ATG10: variants seen among roughly 807,000 people sequenced by gnomAD.
ATG10 encodes the protein ubiquitin-like-conjugating enzyme ATG10.
In ATG10, 30 loss-of-function variants were observed where a neutral mutation model predicts 32.1. That is an observed-to-expected ratio of 0.94 (90% CI 0.70 to 1.27). The LOEUF is 1.27. Ranked by LOEUF, ATG10 falls within the 50% of genes most tolerant of loss-of-function variation. The pLI, the probability that ATG10 is intolerant of heterozygous loss-of-function variation, is 0.00. For synonymous variants in ATG10, 87 were observed against 91.5 expected (o/e 0.95, Z 0.28); for missense variants, 233 against 262.3 (o/e 0.89, Z 0.77).
chr5:82,058,371 A>C lies in ATG10; in HGVS notation c.109-124A>C, dbSNP rs1266084811. On this transcript the variant is annotated intron_variant, in intron 2 of 7. Coordinates refer to ENST00000282185, the MANE Select transcript of ATG10 (RefSeq NM_031482.5). ...GTTGGACTAGTCTCTTTATCCATAT[A>C]GTCTCATTTAGTACATTTAGTTTTT... 17 of 664,720 alleles carry C rather than the reference A, an allele frequency of 2.6e-5. No individual in the cohort carries two copies. In the East Asian group the frequency reaches 4.4e-4, roughly 17 times the overall value. 41.2% of individuals were successfully genotyped at this position (664,720 alleles called of 1,614,324 possible).
chr5:82,250,553 C>T (rs1176509334), intron 5 of ATG10, among the ~76,000 whole-genome samples: 1 of 152,104 alleles, frequency 6.6e-6, no homozygotes, highest in African/African-American at 2.4e-5. Context: ...AAGAGGGATA[C>T]ACACATTCAG....
chr5:82,077,893 T>C (rs187180557), intron 3 of ATG10, among the ~76,000 whole-genome samples: 2 of 152,344 alleles, frequency 1.3e-5, no homozygotes, highest in East Asian at 1.9e-4. Flanking sequence ...CAGGTTCTTA[T>C]AGGTTCTGAT....
chr5:82,036,190 A>C (rs967010265), intron 2 of ATG10, among the ~76,000 whole-genome samples: 1 of 152,156 alleles, frequency 6.6e-6, no homozygotes, highest in Non-Finnish European at 1.5e-5. Flanking sequence ...TCTGACCCCA[A>C]ATCCCCAATT....
At chr5:82,166,778 C>T (rs996469785) in intron 4 of ATG10, among the ~76,000 whole-genome samples, 3 of 152,042 alleles carry the variant, frequency 2.0e-5, no homozygotes, top group South Asian at 2.1e-4. Flanking sequence ...AAGAGAGTTC[C>T]GACCTAGAAA....
chr5:82,051,509 A>T (rs1022768903), intron 2 of ATG10, among the ~76,000 whole-genome samples: 5 of 152,130 alleles, frequency 3.3e-5, no homozygotes, highest in African/African-American at 1.2e-4. Context: ...ATTTTCTTTC[A>T]TTCTTGAGTT....
At chr5:82,131,573 T>A (rs1273081426) in intron 3 of ATG10, among the ~76,000 whole-genome samples, 1 of 151,946 alleles carries the variant, frequency 6.6e-6, no homozygotes, top group Admixed American at 6.6e-5. Flanking sequence ...TACTTTGGAA[T>A]ATTATACAAG....
chr5:82,015,324 G>A (rs1451452430), intron 2 of ATG10, among the ~76,000 whole-genome samples: 1 of 152,158 alleles, frequency 6.6e-6, no homozygotes, highest in African/African-American at 2.4e-5. Flanking sequence ...CTCTTCTCGA[G>A]GAGTATCTTT....
intron 2 of ATG10, among the ~76,000 whole-genome samples, chr5:82,015,656 A>G (rs990378554): frequency 6.6e-6 from 1 of 152,160 alleles, no homozygotes; most frequent in Non-Finnish European, 1.5e-5. Flanking sequence ...TATAGTTCTC[A>G]TGCCATGGTT....
intron 2 of ATG10, among the ~76,000 whole-genome samples, chr5:82,055,946 G>A (rs547683710): frequency 1.1e-4 from 17 of 152,230 alleles, no homozygotes; most frequent in African/African-American, 4.1e-4. Context: ...TTGCAGCCTA[G>A]GAGCAAGCAA....
intron 5 of ATG10, 52 bp downstream of exon 5, chr5:82,178,639 C>G: frequency 8.2e-7 from 1 of 1,219,380 alleles, no homozygotes; most frequent in Non-Finnish European, 1.2e-6. Flanking sequence ...TTCTTTCCCG[C>G]TGCTCATCTT....
chr5:82,203,295 T>C (rs1581799018), intron 5 of ATG10, among the ~76,000 whole-genome samples: 1 of 151,994 alleles, frequency 6.6e-6, no homozygotes, highest in Non-Finnish European at 1.5e-5. Flanking sequence ...GTGGGGTTTC[T>C]TCCAGTGTTT....
At chr5:82,083,891 C>T (rs1313048280) in intron 3 of ATG10, among the ~76,000 whole-genome samples, 2 of 152,196 alleles carry the variant, frequency 1.3e-5, no homozygotes, top group African/African-American at 4.8e-5. Flanking sequence ...AGCAGAAAAG[C>T]TGAAAATTCT....
chr5:82,077,495 G>A (rs1162853908), intron 3 of ATG10, among the ~76,000 whole-genome samples: 1 of 152,032 alleles, frequency 6.6e-6, no homozygotes, highest in Non-Finnish European at 1.5e-5. Flanking sequence ...GTTTAACTCA[G>A]TATCCATTAC....
At chr5:81,985,526 T>C (rs1761236327) in intron 1 of ATG10, among the ~76,000 whole-genome samples, 1 of 150,188 alleles carries the variant, frequency 6.7e-6, no homozygotes. Context: ...TCAAACTCAA[T>C]ATGGCCAAAT....
chr5:82,253,473 C>A, intron 7 of ATG10, 44 bp downstream of exon 7: 2 of 1,290,750 alleles, frequency 1.5e-6, no homozygotes, highest in South Asian at 1.2e-5. Flanking sequence ...TTACAAAGAT[C>A]AATGTCTCCA....
chr5:82,109,240 G>A (rs1267203352), intron 3 of ATG10, among the ~76,000 whole-genome samples: 2 of 152,024 alleles, frequency 1.3e-5, no homozygotes, highest in African/African-American at 4.8e-5. Flanking sequence ...TTTGCCCAGA[G>A]TATAAAAGAG....
intron 2 of ATG10, among the ~76,000 whole-genome samples, chr5:81,995,220 T>C (rs1184653364): frequency 6.6e-6 from 1 of 152,156 alleles, no homozygotes; most frequent in African/African-American, 2.4e-5. Flanking sequence ...AACCTCCGGC[T>C]CCCAGGTTCA....
chr5:82,081,537 A>C (rs1764481674), intron 3 of ATG10, among the ~76,000 whole-genome samples: 1 of 152,204 alleles, frequency 6.6e-6, no homozygotes, highest in African/African-American at 2.4e-5. Flanking sequence ...TGTCCCATGA[A>C]TACCTAATTT....
At chr5:82,088,356 A>C (rs1454302820) in intron 3 of ATG10, among the ~76,000 whole-genome samples, 1 of 152,210 alleles carries the variant, frequency 6.6e-6, no homozygotes. Flanking sequence ...GAGTTATTTT[A>C]AAGAAGACTT....
Sources: gnomAD v4.1 joint callset for allele counts (sites outside exome capture counted in the v4.1 genomes callset) on GRCh38, gnomAD v4.1.1 for gene constraint, MANE v1.5 for transcripts, NCBI Gene and HGNC (gene_info 2026-07-23, HGNC 2026-07-21) for gene names.